The following KCTD8 variants were observed in gnomAD, a reference collection of about 807,000 sequenced individuals.
The protein encoded by KCTD8 is potassium channel tetramerization domain containing 8.
KCTD8 carries 27 observed loss-of-function variants against 31.5 expected under a neutral mutation model. The ratio of observed to expected loss-of-function variants is 0.86; its 90% CI spans 0.63 to 1.18. The LOEUF is 1.18. Ranked by LOEUF, KCTD8 falls within the 50% of genes most tolerant of loss-of-function variation. KCTD8 has a pLI of 0.00. For synonymous variants in KCTD8, 290 were observed against 280.0 expected, an observed-to-expected ratio of 1.04 and a Z score of -0.36; for missense variants, 658 against 647.7, an observed-to-expected ratio of 1.02 and a Z score of -0.17.
At chr4:44,277,526 T>A (rs1217170859) in intron 1 of KCTD8, among the ~76,000 whole-genome samples, 1 of 151,312 alleles carries the variant, frequency 6.6e-6, no homozygotes, top group East Asian at 1.9e-4. Context: ...CTACACGGAG[T>A]AAATCATTCA....
chr4:44,389,546 T>C (rs927457315), intron 1 of KCTD8, among the ~76,000 whole-genome samples: 1 of 151,744 alleles, frequency 6.6e-6, no homozygotes, highest in African/African-American at 2.4e-5. Flanking sequence ...GTTAAATTCA[T>C]AGAGACACTA....
intron 1 of KCTD8, among the ~76,000 whole-genome samples, chr4:44,368,357 C>T (rs1719695946): frequency 6.6e-6 from 1 of 151,690 alleles, no homozygotes; most frequent in Non-Finnish European, 1.5e-5. Flanking sequence ...TGTACTCCAG[C>T]CCAGGTGACT....
intron 1 of KCTD8, among the ~76,000 whole-genome samples, chr4:44,227,827 T>C (rs1577841334): frequency 6.6e-6 from 1 of 152,186 alleles, no homozygotes; most frequent in Non-Finnish European, 1.5e-5. Context: ...AAAATATATA[T>C]CAAATATTTA....
intron 1 of KCTD8, among the ~76,000 whole-genome samples, chr4:44,298,931 G>A (rs1490912624): frequency 1.3e-5 from 2 of 152,064 alleles, no homozygotes; most frequent in Admixed American, 6.5e-5. Flanking sequence ...AAAGATGAAA[G>A]TAAGACAAAA....
At chr4:44,248,459 A>AG (rs904764013) in intron 1 of KCTD8, among the ~76,000 whole-genome samples, 1 of 151,454 alleles carries the variant, frequency 6.6e-6, no homozygotes, top group Admixed American at 6.6e-5. Flanking sequence ...AACCAAAAAA[A>AG]AAAAGAAAGA....
At chr4:44,189,825 A>G (rs1015440636) in intron 1 of KCTD8, among the ~76,000 whole-genome samples, 1 of 152,132 alleles carries the variant, frequency 6.6e-6, no homozygotes, top group East Asian at 1.9e-4. Flanking sequence ...CTCTTAAACC[A>G]GTTCCTCCTC....
intron 1 of KCTD8, among the ~76,000 whole-genome samples, chr4:44,368,290 T>C (rs1006348698): frequency 6.6e-6 from 1 of 152,142 alleles, no homozygotes; most frequent in Non-Finnish European, 1.5e-5. Context: ...GGCAGGAGAA[T>C]TGCTTGAACC....
chr4:44,399,808 G>T (rs1204184648), intron 1 of KCTD8, among the ~76,000 whole-genome samples: 1 of 152,158 alleles, frequency 6.6e-6, no homozygotes, highest in Non-Finnish European at 1.5e-5. Context: ...AACTTAAGTG[G>T]GAGTATGTTT....
chr4:44,329,777 C>T (rs1718546292), intron 1 of KCTD8, among the ~76,000 whole-genome samples: 1 of 151,894 alleles, frequency 6.6e-6, no homozygotes, highest in East Asian at 1.9e-4. Context: ...ATTAACAGTA[C>T]TCTATCAGTA....
intron 1 of KCTD8, among the ~76,000 whole-genome samples, chr4:44,431,830 T>C (rs1721513504): frequency 6.6e-6 from 1 of 151,560 alleles, no homozygotes. Context: ...ATTTGTAATT[T>C]TTTATTATTT....
At chr4:44,269,949 T>G (rs1364720245) in intron 1 of KCTD8, among the ~76,000 whole-genome samples, 1 of 152,138 alleles carries the variant, frequency 6.6e-6, no homozygotes, top group Non-Finnish European at 1.5e-5. Context: ...GGTGGGACTG[T>G]AAACTAGTTC....
chr4:44,214,714 G>A (rs1304424233), intron 1 of KCTD8, among the ~76,000 whole-genome samples: 2 of 152,180 alleles, frequency 1.3e-5, no homozygotes, highest in Non-Finnish European at 2.9e-5. Context: ...CTAACTTTGG[G>A]AGAAAGTTTA....
intron 1 of KCTD8, among the ~76,000 whole-genome samples, chr4:44,211,717 A>T (rs1560396001): frequency 6.6e-6 from 1 of 150,918 alleles, no homozygotes; most frequent in African/African-American, 2.4e-5. Flanking sequence ...AGATAAAGCC[A>T]TTTTTTTTTA....
chr4:44,299,373 A>G (rs992481405), intron 1 of KCTD8, among the ~76,000 whole-genome samples: 1 of 152,138 alleles, frequency 6.6e-6, no homozygotes, highest in Non-Finnish European at 1.5e-5. Context: ...AAAATCCAAG[A>G]TATTTTTACC....
chr4:44,281,416 C>T (rs56202906), intron 1 of KCTD8, among the ~76,000 whole-genome samples: 4,481 of 152,148 alleles, frequency 0.029, 238 homozygotes, highest in African/African-American at 0.1. Flanking sequence ...CTCCTTGGCA[C>T]ATATTAAGTC....
chr4:44,448,223 G>A lies in KCTD8; in HGVS notation c.301C>T (p.Arg101Trp), dbSNP rs1462314038. ...RDSRARFFIDRDGFLFRYVLD... is the reference protein window; with the variant it reads ...RDSRARFFIDWDGFLFRYVLD... ...ACGTACCTGAAAAGGAAGCCGTCCC[G>A]GTCGATGAAGAAGCGCGCCCGGCTG... The change falls in exon 1 of 2, where the codon CGG becomes TGG. Residue 101 changes from arginine (R) to tryptophan (W), a missense_variant. Arg to Trp is a moderately radical substitution (Grantham distance 101, BLOSUM62 -3). Transcript: ENST00000360029. This position sits in a 1 kb window ranked among gnomAD's most constrained non-coding sequence, Gnocchi z 4.1. 4 of 1,612,066 alleles carry A rather than the reference G, an allele frequency of 2.5e-6. No individual in the cohort carries two copies. The highest frequency in any genetic ancestry group is 1.7e-5 in the Admixed American group (1 of 59,930).
Position 44,338,107 on chromosome 4 carries a change from CA to C in KCTD8, c.961+109455del, listed in dbSNP as rs765966962. Among the ~76,000 whole-genome samples, 8 of 151,836 alleles carry C rather than the reference CA, an allele frequency of 5.3e-5. No individual in the cohort carries two copies. The East Asian group carries it at 5.8e-4, about 11-fold the overall frequency. On this transcript the variant is annotated intron_variant, in intron 1 of 1. Transcript: ENST00000360029. ...TCTTATTATAAATAATATATAGGTA[CA>C]GGGGTAAACAGGTTGAAAATATACA...
chr4:44,293,150 T>C (rs1221622466), intron 1 of KCTD8, among the ~76,000 whole-genome samples: 2 of 152,140 alleles, frequency 1.3e-5, no homozygotes, highest in Non-Finnish European at 2.9e-5. Flanking sequence ...CTAAGGATTA[T>C]TATGGAAAGT....
intron 1 of KCTD8, among the ~76,000 whole-genome samples, chr4:44,199,471 C>T (rs1714065759): frequency 6.6e-6 from 1 of 151,944 alleles, no homozygotes; most frequent in South Asian, 2.1e-4. Flanking sequence ...GACCACAGGG[C>T]AATAAAAATG....
Sources: allele counts gnomAD v4.1 joint callset (sites outside exome capture counted in the v4.1 genomes callset), GRCh38; gene constraint gnomAD v4.1.1; non-coding constraint Gnocchi (gnomAD v3.1); transcripts MANE v1.5; gene names NCBI Gene and HGNC (gene_info 2026-07-23, HGNC 2026-07-21).